Variants in PIK3C2G observed in about 807,000 individuals in gnomAD.
PIK3C2G encodes phosphatidylinositol-4-phosphate 3-kinase catalytic subunit type 2 gamma.
In PIK3C2G, 168 loss-of-function variants were observed where a neutral mutation model predicts 181.1. The observed-to-expected ratio is 0.93, with a 90% confidence interval of 0.82 to 1.05. PIK3C2G has a LOEUF of 1.05. Among genes scored for constraint, PIK3C2G ranks in the 50% least tolerant of loss-of-function variants. PIK3C2G has a pLI of 0.00. For missense variants in PIK3C2G, 1,869 were observed against 1,732.8 expected, an observed-to-expected ratio of 1.08 and a Z score of -1.40; for synonymous variants, 573 against 592.2, an observed-to-expected ratio of 0.97 and a Z score of 0.47.
At chr12:18,680,669 T>G in the PIK3C2G span, among the ~76,000 whole-genome samples, 1 of 152,054 alleles carries the variant, frequency 6.6e-6, no homozygotes, top group African/African-American at 2.4e-5. Flanking sequence ...AGTCAGAATT[T>G]GTCCAGCCAA....
chr12:18,347,729 T>C (rs1164698818), intron 11 of PIK3C2G, among the ~76,000 whole-genome samples: 1 of 151,890 alleles, frequency 6.6e-6, no homozygotes, highest in Non-Finnish European at 1.5e-5. Context: ...TAGAATCGCT[T>C]GAAACCAGGA....
intron 31 of PIK3C2G, among the ~76,000 whole-genome samples, chr12:18,632,494 A>T (rs1264310360): frequency 6.6e-6 from 1 of 152,216 alleles, no homozygotes; most frequent in Admixed American, 6.5e-5. Flanking sequence ...TATAGAAAAC[A>T]GATATGGATA....
upstream of PIK3C2G, among the ~76,000 whole-genome samples, chr12:18,246,760 C>A (rs141767704): frequency 2.1e-3 from 326 of 152,158 alleles, no homozygotes; most frequent in African/African-American, 7.5e-3. Context: ...ATCAGCAATA[C>A]GGCAGTCATT....
intron 8 of PIK3C2G, among the ~76,000 whole-genome samples, chr12:18,334,621 C>CT (rs551742774): frequency 4.0e-5 from 6 of 151,734 alleles, no homozygotes; most frequent in East Asian, 1.9e-4. Flanking sequence ...CAGTGTTCAA[C>CT]TTTTTTTTTC....
At chr12:18,642,722 TTTAACAC>T (rs1949903990) in intron 32 of PIK3C2G, among the ~76,000 whole-genome samples, 3 of 152,058 alleles carry the variant, frequency 2.0e-5, no homozygotes, top group Admixed American at 2.0e-4. Context: ...TTTTAATACT[TTTAACAC>T]TTAGTTACCT....
intron 9 of PIK3C2G, among the ~76,000 whole-genome samples, chr12:18,342,169 T>A (rs1054097888): frequency 8.5e-5 from 13 of 152,124 alleles, no homozygotes; most frequent in Admixed American, 2.0e-4. Flanking sequence ...GTTAAATCAG[T>A]CTAACATTTT....
intron 32 of PIK3C2G, among the ~76,000 whole-genome samples, chr12:18,643,510 G>C (rs762362231): frequency 3.3e-5 from 5 of 151,836 alleles, no homozygotes; most frequent in Non-Finnish European, 7.4e-5. Flanking sequence ...TGAATTCCAA[G>C]AGCCAAAAGG....
At chr12:18,511,050 TATTA>T (rs1467434674) in intron 24 of PIK3C2G, among the ~76,000 whole-genome samples, 1 of 151,378 alleles carries the variant, frequency 6.6e-6, no homozygotes, top group Non-Finnish European at 1.5e-5. Context: ...AATTAAACTT[TATTA>T]GATTTCACAT....
intron 29 of PIK3C2G, among the ~76,000 whole-genome samples, chr12:18,590,310 T>C (rs1448234221): frequency 6.6e-6 from 1 of 151,834 alleles, no homozygotes; most frequent in Admixed American, 6.6e-5. Context: ...TCCGAACACC[T>C]CATATTCCAG....
intron 22 of PIK3C2G, among the ~76,000 whole-genome samples, chr12:18,499,527 G>A (rs1413516363): frequency 6.6e-6 from 1 of 152,156 alleles, no homozygotes; most frequent in Non-Finnish European, 1.5e-5. Flanking sequence ...AATGTCCTAG[G>A]AGTTCTGAGA....
rs542327503 is a variant in PIK3C2G, at chr12:18,533,941, C to CTTTTTTT, written c.3324-4197_3324-4191dup. 1.8e-3 allele frequency among the ~76,000 whole-genome samples: 164 copies of CTTTTTTT among 91,476 alleles called. 1 individual carries two copies. Among genetic ancestry groups the CTTTTTTT allele is most frequent in the African/African-American group, 3.9e-3 (90 of 23,010 alleles). The allele number at this position is 91,476 out of a possible 152,430, so 60.0% of individuals were successfully genotyped here. ...CAAACTATTAATTGTCCTGCTATTT[C>CTTTTTTT]TTTTTTTTTTTTTTTTTTTTTTTTC... On this transcript the variant is annotated intron_variant, in intron 24 of 32. Transcript: ENST00000538779.
intron 31 of PIK3C2G, among the ~76,000 whole-genome samples, chr12:18,613,863 T>C (rs1310520453): frequency 2.0e-5 from 3 of 152,216 alleles, no homozygotes; most frequent in Admixed American, 6.5e-5. Context: ...AAGTAAATTG[T>C]GGTGCCTTTG....
intron 1 of PIK3C2G, among the ~76,000 whole-genome samples, chr12:18,275,830 A>G: frequency 6.6e-6 from 1 of 152,218 alleles, no homozygotes; most frequent in East Asian, 1.9e-4. Context: ...CCTTCAAGTT[A>G]GCTTAGGAAT....
At chr12:18,503,466 T>C in intron 23 of PIK3C2G, 49 bp downstream of exon 23, 2 of 1,340,780 alleles carry the variant, frequency 1.5e-6, no homozygotes, top group Non-Finnish European at 2.0e-6. Context: ...AATAAGAATA[T>C]GCTCTGGTTC....
At chr12:18,597,302 G>C (rs992627630) in intron 30 of PIK3C2G, among the ~76,000 whole-genome samples, 3 of 151,718 alleles carry the variant, frequency 2.0e-5, no homozygotes, top group Non-Finnish European at 4.4e-5. Flanking sequence ...ATTGTCAAAA[G>C]AAATAAAAAG....
chr12:18,681,028 G>A, the PIK3C2G span, among the ~76,000 whole-genome samples: 3 of 152,136 alleles, frequency 2.0e-5, no homozygotes, highest in African/African-American at 7.2e-5. Flanking sequence ...TGTTTTTGCC[G>A]TGCATTCAGT....
the PIK3C2G span, among the ~76,000 whole-genome samples, chr12:18,682,917 A>T: frequency 6.6e-6 from 1 of 152,042 alleles, no homozygotes. Flanking sequence ...TTGCCAATGT[A>T]TATTTTATAA....
In PIK3C2G at chr12:18,287,857, T is replaced by C. The variant is rs562163669; in HGVS notation, c.761+928T>C. Among the ~76,000 whole-genome samples the C allele has an allele frequency of 1.2e-3, 153 of 132,040 alleles. 1 individual carries two copies. Among genetic ancestry groups the C allele is most frequent in the Admixed American group, 4.7e-3 (56 of 11,912 alleles). The allele number at this position is 132,040 out of a possible 152,430, so 86.6% of individuals were successfully genotyped here. On this transcript the variant is annotated intron_variant, in intron 3 of 32. Transcript: ENST00000538779. ...GCCTGGGCGACAGAATGAGACTCTGTCTCAAAAAAGAAAAAAAAAATAGGC... is the reference window on the plus strand; with the variant it reads ...GCCTGGGCGACAGAATGAGACTCTGCCTCAAAAAAGAAAAAAAAAATAGGC...
chr12:18,610,318 GGA>G (rs1948269216), intron 31 of PIK3C2G, among the ~76,000 whole-genome samples: 2 of 152,044 alleles, frequency 1.3e-5, no homozygotes, highest in African/African-American at 4.8e-5. Context: ...TATCAGGTGT[GGA>G]GAAAGTCAGT....
Sources: gnomAD v4.1 joint callset for allele counts (sites outside exome capture counted in the v4.1 genomes callset) on GRCh38, gnomAD v4.1.1 for gene constraint, MANE v1.5 for transcripts, NCBI Gene and HGNC (gene_info 2026-07-23, HGNC 2026-07-21) for gene names.